The following CALN1 variants were observed in gnomAD, a reference collection of about 807,000 sequenced individuals.
CALN1 encodes calneuron 1.
CALN1 carries 17 observed loss-of-function variants against 30.6 expected under a neutral mutation model. The observed-to-expected ratio is 0.56, with a 90% CI of 0.38 to 0.83. The LOEUF (loss-of-function observed/expected upper bound fraction) is 0.83, where lower values mean the gene tolerates loss of function less well. CALN1 is among the 40% of genes least tolerant of loss of function. CALN1 has a pLI of 0.00. For missense variants in CALN1, 291 were observed against 354.9 expected (o/e 0.82, Z 1.45); for synonymous variants, 156 against 131.4 (o/e 1.19, Z -1.28).
chr7:72,137,596 T>C (rs928734583), intron 3 of CALN1, among the ~76,000 whole-genome samples: 2 of 151,996 alleles, frequency 1.3e-5, no homozygotes, highest in African/African-American at 2.4e-5. Flanking sequence ...TGCAATAAAG[T>C]GAAGTATAAA....
At chr7:71,972,488 C>T (rs1797897710) in intron 5 of CALN1, among the ~76,000 whole-genome samples, 1 of 151,912 alleles carries the variant, frequency 6.6e-6, no homozygotes, top group Admixed American at 6.6e-5. Flanking sequence ...AGAGAGCGTG[C>T]AATACTTCCA....
chr7:72,320,834 C>CAAAAAAAAAAA (rs56192893), intron 2 of CALN1, among the ~76,000 whole-genome samples: 1 of 67,154 alleles, frequency 1.5e-5, no homozygotes. Context: ...GACTCCATCT[C>CAAAAAAAAAAA]AAAAAAAAAA....
At chr7:72,442,550 G>C (rs1420912271) in intron 1 of CALN1, among the ~76,000 whole-genome samples, 6 of 139,930 alleles carry the variant, frequency 4.3e-5, no homozygotes, top group South Asian at 2.3e-4. Flanking sequence ...TTTAGGATTG[G>C]ACTTTATTAA....
chr7:71,999,784 A>G (rs1038908020), intron 5 of CALN1, among the ~76,000 whole-genome samples: 1 of 152,190 alleles, frequency 6.6e-6, no homozygotes, highest in African/African-American at 2.4e-5. Flanking sequence ...AAGTGCTGAG[A>G]TTACAGGCAT....
intron 1 of CALN1, among the ~76,000 whole-genome samples, chr7:72,423,923 GAAAA>G (rs1350321819): frequency 9.3e-6 from 1 of 107,076 alleles, no homozygotes; most frequent in Non-Finnish European, 1.7e-5. Flanking sequence ...GACAGAAAGA[GAAAA>G]AGAAAGAAGA....
intron 3 of CALN1, among the ~76,000 whole-genome samples, chr7:72,245,655 TA>T (rs1795112477): frequency 6.7e-6 from 1 of 148,834 alleles, no homozygotes; most frequent in Non-Finnish European, 1.5e-5. Flanking sequence ...AATAAATAAA[TA>T]AATAAAGTTG....
the CALN1 span, among the ~76,000 whole-genome samples, chr7:72,453,993 A>AAAAAATATATATAT: frequency 6.8e-6 from 1 of 148,136 alleles, no homozygotes; most frequent in African/African-American, 2.5e-5. Context: ...ACAACCAAAA[A>AAAAAATATATATAT]ATATATATAT....
intron 4 of CALN1, among the ~76,000 whole-genome samples, chr7:72,041,390 T>A (rs1802117883): frequency 6.6e-6 from 1 of 152,074 alleles, no homozygotes; most frequent in African/African-American, 2.4e-5. Flanking sequence ...TTTTTTTATT[T>A]TTTTTATTTT....
chr7:72,336,703 C>T, intron 2 of CALN1: 1 of 985,610 alleles, frequency 1.0e-6, no homozygotes, highest in Non-Finnish European at 1.2e-6. Context: ...GCGGCACTCA[C>T]CTCTTGCTGG....
At chr7:72,140,287 AGAGAG>A (rs1809810458) in intron 3 of CALN1, among the ~76,000 whole-genome samples, 1 of 139,054 alleles carries the variant, frequency 7.2e-6, no homozygotes, top group Non-Finnish European at 1.5e-5. Context: ...AGAGAGAGAG[AGAGAG>A]AGAGAGAGAG....
At chr7:72,443,372 A>T (rs182400107) in intron 1 of CALN1, among the ~76,000 whole-genome samples, 1 of 152,210 alleles carries the variant, frequency 6.6e-6, no homozygotes, top group East Asian at 1.9e-4. Flanking sequence ...CGTTGCTAAA[A>T]ATCCTTCAAT....
At chr7:72,015,621 A>G (rs1246271141) in intron 5 of CALN1, among the ~76,000 whole-genome samples, 3 of 151,908 alleles carry the variant, frequency 2.0e-5, no homozygotes, top group Non-Finnish European at 2.9e-5. Flanking sequence ...TTAAATTATT[A>G]TTTCTAGAGA....
chr7:71,832,957 G>C (rs559599879), intron 5 of CALN1, among the ~76,000 whole-genome samples: 18 of 152,202 alleles, frequency 1.2e-4, no homozygotes, highest in African/African-American at 4.3e-4. Flanking sequence ...TGTCCTGCCC[G>C]CGATGTCTTG....
the CALN1 span, among the ~76,000 whole-genome samples, chr7:72,458,184 T>TTAATATATTATAATATATAATATATTTTA: frequency 1.3e-5 from 1 of 78,212 alleles, no homozygotes; most frequent in East Asian, 3.3e-4. Context: ...TGTATTATAT[T>TTAATATATTATAATATATAATATATTTTA]TAATATATTA....
At chr7:71,867,939 C>T (rs1006447940) in intron 5 of CALN1, among the ~76,000 whole-genome samples, 2 of 152,200 alleles carry the variant, frequency 1.3e-5, no homozygotes, top group Admixed American at 6.5e-5. Context: ...ATATTAGAAA[C>T]AGTCCACTTA....
At chr7:72,262,868 A>G (rs1207898298) in intron 3 of CALN1, among the ~76,000 whole-genome samples, 2 of 152,212 alleles carry the variant, frequency 1.3e-5, no homozygotes, top group Non-Finnish European at 2.9e-5. Context: ...ACTGCGATAC[A>G]AAGTGCTGAG....
At chr7:72,410,054 T>C (rs116677989) in intron 1 of CALN1, among the ~76,000 whole-genome samples, 4,323 of 152,294 alleles carry the variant, frequency 0.028, 173 homozygotes, top group African/African-American at 0.097. Flanking sequence ...TGAAGATATC[T>C]TTTGGACAAA....
intron 1 of CALN1, among the ~76,000 whole-genome samples, chr7:72,422,756 C>A (rs916065583): frequency 1.3e-5 from 2 of 152,186 alleles, no homozygotes; most frequent in African/African-American, 4.8e-5. Flanking sequence ...ATCTTATCTT[C>A]TTGGCTTTAT....
In CALN1 at chr7:71,847,573, T is replaced by C. The variant is rs539018556; in HGVS notation, c.502-37081A>G. On this transcript the variant is annotated intron_variant, in intron 5 of 6. Coordinates refer to ENST00000395275, the MANE Select transcript of CALN1 (RefSeq NM_031468.4). Reference sequence around the variant, plus strand: ...GGTGCATGCCTGTAATCCCAGCTACTCAGGAGGCTGAGGCAGAAGAATCTC... The same window carrying C: ...GGTGCATGCCTGTAATCCCAGCTACCCAGGAGGCTGAGGCAGAAGAATCTC... Among the ~76,000 whole-genome samples, 4 of 150,984 alleles carry C rather than the reference T, an allele frequency of 2.6e-5. No individual in the cohort carries two copies. The South Asian group carries it at 8.4e-4, about 32-fold the overall frequency.
Sources: allele counts gnomAD v4.1 joint callset (sites outside exome capture counted in the v4.1 genomes callset), GRCh38; gene constraint gnomAD v4.1.1; transcripts MANE v1.5; gene names NCBI Gene and HGNC (gene_info 2026-07-23, HGNC 2026-07-21).